Variants in CEP68 observed in about 807,000 individuals in gnomAD.
The protein encoded by CEP68 is centrosomal protein of 68 kDa.
Under a neutral mutation model 55.3 loss-of-function variants are expected in CEP68, and 26 were observed. That is an observed-to-expected ratio of 0.47 (90% CI 0.34 to 0.65). The LOEUF is 0.65. Ranked by LOEUF, CEP68 falls within the 30% of genes least tolerant of loss-of-function variation. The pLI is 0.01. For synonymous variants in CEP68, 402 were observed against 383.2 expected (o/e 1.05, Z -0.57); for missense variants, 957 against 946.7 (o/e 1.01, Z -0.14).
chr2:65,061,481 G>A (rs1254213536), intron 1 of CEP68, among the ~76,000 whole-genome samples: 3 of 152,266 alleles, frequency 2.0e-5, no homozygotes, highest in Non-Finnish European at 4.4e-5. Context: ...CCTGGGGATG[G>A]CCTCGGCCCA....
At chr2:65,081,283 C>T (rs551666900) in intron 5 of CEP68, among the ~76,000 whole-genome samples, 51 of 152,122 alleles carry the variant, frequency 3.4e-4, no homozygotes, top group African/African-American at 1.1e-3. Flanking sequence ...TTACCGTGCG[C>T]CTGACTGCAA....
At chr2:65,059,934 T>C (rs1186327734) in intron 1 of CEP68, among the ~76,000 whole-genome samples, 1 of 151,848 alleles carries the variant, frequency 6.6e-6, no homozygotes, top group Non-Finnish European at 1.5e-5. Context: ...AAATGGGTTT[T>C]ATTTTCTTAT....
At position 65,071,642 on chromosome 2, in the gene CEP68, G is replaced by A; in HGVS notation, c.546G>A (p.Lys182=). The change falls in exon 3 of 7, where the codon AAG becomes AAA. Residue 182 remains lysine (K), a synonymous_variant. Transcript: ENST00000377990. ...SSGLSCLSQW[K]SVLSPGSAAQ... is the part of the protein sequence containing the mutation. ...GTCTCTCTTGCCTGTCACAGTGGAA[G>A]TCCGTGCTGAGCCCAGGTTCCGCAG... The A allele has an allele frequency of 6.2e-7, 1 of 1,614,154 alleles. No individual in the cohort carries two copies. The highest frequency in any genetic ancestry group is 8.5e-7 in the Non-Finnish European group (1 of 1,180,022).
At position 65,082,660 on chromosome 2, in the gene CEP68, C is replaced by CA; in HGVS notation, c.2234dup (p.Pro746AlafsTer10). 1.2e-6 allele frequency: 2 copies of CA among 1,609,162 alleles called. No individual in the cohort carries two copies. Among genetic ancestry groups the CA allele is most frequent in the Non-Finnish European group, 1.7e-6 (2 of 1,178,616 alleles). On this transcript the variant is annotated frameshift_variant, in exon 6 of 7. Transcript: ENST00000377990. LOFTEE classifies it high-confidence loss of function. The stretch of plus-strand genomic sequence containing the variant: ...TGGCTGGCTGCACCCTTATCCCTGA[C>CA]AAAAAGCCCATGGCGGCAATGGAGC...
In CEP68 at chr2:65,084,754, G is replaced by A. The variant is rs1344877328; in HGVS notation, c.*1120G>A. ...AATTTCTGAGACTTTATAGTCACTG[G>A]AAAATAGCCATTAAATTCTTTAAAG... is the stretch of plus-strand genomic sequence containing the variant. On this transcript the variant is annotated 3_prime_UTR_variant, in exon 7 of 7. Coordinates refer to ENST00000377990, the MANE Select transcript of CEP68 (RefSeq NM_015147.3). 3 of 152,144 alleles carry A rather than the reference G, an allele frequency of 2.0e-5. No individual in the cohort carries two copies. The highest frequency in any genetic ancestry group is 7.2e-5 in the African/African-American group (3 of 41,422). 9.4% of individuals were successfully genotyped at this position (152,144 alleles called of 1,614,324 possible).
rs900790860 is a variant in CEP68 at position 65,071,864 on chromosome 2, G to T, written c.768G>T (p.Gly256=). 4 of 1,608,610 alleles carry T rather than the reference G, an allele frequency of 2.5e-6. No individual in the cohort carries two copies. Among genetic ancestry groups the T allele is most frequent in the Non-Finnish European group, 3.4e-6 (4 of 1,177,178 alleles). Reference sequence around the variant, plus strand: ...GGTCACCACAGCCTGTGTTCTCTGGGGGTGATGCTTCTGGGCTAGGCAGGA... The same window carrying T: ...GGTCACCACAGCCTGTGTTCTCTGGTGGTGATGCTTCTGGGCTAGGCAGGA... The part of the protein sequence containing the change: ...PQWSPQPVFS[G]GDASGLGRRR... The change falls in exon 3 of 7, where the codon GGG becomes GGT. Residue 256 remains glycine (G), a synonymous_variant. Coordinates refer to ENST00000377990, the MANE Select transcript of CEP68 (RefSeq NM_015147.3).
chr2:65,078,971 T>TG (rs1676889252), intron 5 of CEP68, among the ~76,000 whole-genome samples: 1 of 152,178 alleles, frequency 6.6e-6, no homozygotes, highest in African/African-American at 2.4e-5. Context: ...GACGAGGGCA[T>TG]GGGGGATGAG....
chr2:65,057,938 G>A (rs778471632), intron 1 of CEP68, among the ~76,000 whole-genome samples: 5 of 151,872 alleles, frequency 3.3e-5, no homozygotes, highest in Admixed American at 6.5e-5. Context: ...TTACAGGCGT[G>A]TCATTAAGTT....
At chr2:65,067,305 G>A (rs886178273) in intron 1 of CEP68, among the ~76,000 whole-genome samples, 48 of 152,046 alleles carry the variant, frequency 3.2e-4, no homozygotes, top group Admixed American at 1.4e-3. Context: ...GCTTGAACCC[G>A]GGAGGTGGAG....
Position 65,069,661 on chromosome 2 carries a change from G to A in CEP68, c.217G>A (p.Gly73Ser). 6.2e-7 allele frequency: 1 copy of A among 1,614,046 alleles called. No homozygotes were observed. The highest frequency in any genetic ancestry group is 8.5e-7 in the Non-Finnish European group (1 of 1,180,028). The change falls in exon 2 of 7, where the codon GGC (glycine) becomes AGC (serine). Residue 73 changes from glycine (G) to serine (S), a missense_variant. Gly to Ser is a moderately conservative substitution (Grantham distance 56). Transcript: ENST00000377990. ...APTCWIGTDP[G>S]GPSRAHQPQA... Reference sequence around the variant, plus strand: ...TACTTGCTGGATTGGGACTGACCCTGGCGGCCCCTCTAGAGCCCACCAGCC... The same window carrying A: ...TACTTGCTGGATTGGGACTGACCCTAGCGGCCCCTCTAGAGCCCACCAGCC...
At chr2:65,061,614 G>A (rs1675918662) in intron 1 of CEP68, among the ~76,000 whole-genome samples, 1 of 152,242 alleles carries the variant, frequency 6.6e-6, no homozygotes, top group African/African-American at 2.4e-5. Flanking sequence ...CTATCCCACA[G>A]TGAAAGACAG....
intron 4 of CEP68, among the ~76,000 whole-genome samples, chr2:65,076,190 A>G (rs1042191319): frequency 6.6e-5 from 10 of 152,154 alleles, no homozygotes; most frequent in Non-Finnish European, 1.2e-4. Context: ...CTCCACGTGC[A>G]TGCACGCAGC....
intron 3 of CEP68, chr2:65,073,434 T>G (rs936479269): frequency 1.5e-5 from 4 of 273,448 alleles, no homozygotes; most frequent in South Asian, 7.5e-5. Context: ...AAGTGCAAAG[T>G]TAGGGGCATT....
intron 1 of CEP68, among the ~76,000 whole-genome samples, chr2:65,057,923 T>G (rs1354471796): frequency 6.6e-6 from 1 of 151,938 alleles, no homozygotes; most frequent in Non-Finnish European, 1.5e-5. Flanking sequence ...CCCAGAGTGC[T>G]GGGATTACAG....
chr2:65,066,745 A>AAAAATATATATATATATAT (rs70943620), intron 1 of CEP68, among the ~76,000 whole-genome samples: 1 of 58,408 alleles, frequency 1.7e-5, no homozygotes, highest in Non-Finnish European at 3.1e-5. Flanking sequence ...AAAAAAAAAA[A>AAAAATATATATATATATAT]ATATATATAT....
rs1188771570 is a variant in CEP68, at chr2:65,072,842, C to G, written c.1746C>G (p.Val582=). 3.7e-6 allele frequency: 6 copies of G among 1,614,204 alleles called. No homozygotes were observed. Among genetic ancestry groups the G allele is most frequent in the Middle Eastern group, 1.6e-4 (1 of 6,062 alleles). ...GSLGSSQALG[V]SSGLLKTRPS... Reference sequence around the variant, plus strand: ...TGGGGAGCAGCCAGGCCCTCGGGGTCTCCTCTGGACTGCTGAAAACACGCC... The same window carrying G: ...TGGGGAGCAGCCAGGCCCTCGGGGTGTCCTCTGGACTGCTGAAAACACGCC... Residue 582 remains valine (V), a synonymous_variant, in exon 3 of 7, where the codon GTC becomes GTG. Transcript: ENST00000377990.
chr2:65,071,204 C>A, intron 2 of CEP68: 1 of 530,842 alleles, frequency 1.9e-6, no homozygotes, highest in Middle Eastern at 5.1e-4. Flanking sequence ...ACCCTGGATA[C>A]CTGTGGAGGA....
intron 1 of CEP68, among the ~76,000 whole-genome samples, chr2:65,069,053 G>C (rs1676332120): frequency 6.6e-6 from 1 of 152,130 alleles, no homozygotes. Context: ...GTCCCACCAG[G>C]CCTCTTACCC....
At chr2:65,070,008 G>T (rs1396710050) in intron 2 of CEP68, among the ~76,000 whole-genome samples, 1 of 152,196 alleles carries the variant, frequency 6.6e-6, no homozygotes, top group Non-Finnish European at 1.5e-5. Flanking sequence ...GTTATCTCCT[G>T]TTCCTCAAGA....
Sources: gnomAD v4.1 joint callset for allele counts (sites outside exome capture counted in the v4.1 genomes callset) on GRCh38, gnomAD v4.1.1 for gene constraint, MANE v1.5 for transcripts, NCBI Gene and HGNC (gene_info 2026-07-23, HGNC 2026-07-21) for gene names.